The following RALGAPA2 variants were observed in gnomAD, a reference collection of about 807,000 sequenced individuals.
RALGAPA2 encodes ral GTPase-activating protein subunit alpha-2.
A neutral mutation model predicts 230.4 loss-of-function variants in RALGAPA2; 139 were observed. That is an observed-to-expected ratio of 0.60 (90% CI 0.53 to 0.69). The LOEUF (loss-of-function observed/expected upper bound fraction) is 0.69. Ranked by LOEUF, RALGAPA2 falls within the 30% of genes least tolerant of loss-of-function variation. The probability of loss-of-function intolerance (pLI) is 0.00; values close to 1 mark genes in which losing one functional copy is unlikely to be tolerated. For missense variants in RALGAPA2, 2,163 were observed against 2,276.0 expected, an observed-to-expected ratio of 0.95 and a Z score of 1.01; for synonymous variants, 847 against 837.8, an observed-to-expected ratio of 1.01 and a Z score of -0.19.
chr20:20,417,842 T>C (rs564243618), intron 37 of RALGAPA2, among the ~76,000 whole-genome samples: 3 of 152,346 alleles, frequency 2.0e-5, no homozygotes, highest in East Asian at 3.9e-4. Flanking sequence ...GCTAGATATA[T>C]TCTAGGCAAT....
rs140217491 is a variant in RALGAPA2, at chr20:20,590,493, T to G, written c.2341+684A>C. On this transcript the variant is annotated intron_variant, in intron 17 of 39. Transcript: ENST00000202677. ...TGAGATAACTTGTTGATAAATAGAG[T>G]TGATTTCTTAACTAATTCATGACAC... Among the ~76,000 whole-genome samples the G allele has an allele frequency of 1.7e-3, 263 of 152,206 alleles. 5 individuals carry two copies. Among genetic ancestry groups the G allele is most frequent in the East Asian group, 0.012 (64 of 5,174 alleles).
chr20:20,427,409 G>A (rs1476794417), intron 37 of RALGAPA2, among the ~76,000 whole-genome samples: 5 of 151,896 alleles, frequency 3.3e-5, no homozygotes, highest in Non-Finnish European at 7.4e-5. Context: ...TGCTTGCGGG[G>A]TGGGAGCGTC....
intron 37 of RALGAPA2, among the ~76,000 whole-genome samples, chr20:20,435,802 C>T (rs73287227): frequency 0.033 from 5,043 of 152,308 alleles, 273 homozygotes; most frequent in African/African-American, 0.11. Flanking sequence ...TCTGTGGACA[C>T]TGCCACAGGC....
At chr20:20,611,010 T>C (rs1231707243) in intron 14 of RALGAPA2, among the ~76,000 whole-genome samples, 2 of 152,130 alleles carry the variant, frequency 1.3e-5, no homozygotes, top group African/African-American at 4.8e-5. Context: ...CCCATTCCCA[T>C]ACTTTCGTTC....
At chr20:20,460,193 C>T (rs1391202786) in intron 37 of RALGAPA2, among the ~76,000 whole-genome samples, 40 of 152,212 alleles carry the variant, frequency 2.6e-4, no homozygotes, top group Admixed American at 2.6e-3. Flanking sequence ...CTCCTCTACA[C>T]TGCTGCATCC....
chr20:20,485,273 G>A (rs2061883150), intron 36 of RALGAPA2, among the ~76,000 whole-genome samples: 1 of 152,050 alleles, frequency 6.6e-6, no homozygotes, highest in Non-Finnish European at 1.5e-5. Flanking sequence ...TCTGATGTTA[G>A]CTCCATCTGA....
At position 20,625,727 on chromosome 20, in the gene RALGAPA2, A is replaced by G. The variant is rs78224288; in HGVS notation, c.1233+3636T>C. Among the ~76,000 whole-genome samples the G allele has an allele frequency of 3.2e-3, 482 of 152,296 alleles. 1 individual carries two copies. Among genetic ancestry groups the G allele is most frequent in the Non-Finnish European group, 5.1e-3 (349 of 68,034 alleles). ...AGTTTTGACTCACTAAGTTGGTTTC[A>G]TGACCTACGAATAGGTCACAACAGG... On this transcript the variant is annotated intron_variant, in intron 10 of 39. Transcript: ENST00000202677.
rs958714044 is a variant in RALGAPA2 at position 20,411,975 on chromosome 20, G to A, written c.5617+52C>T. Reference sequence around the variant, plus strand: ...ATCTGTGAAAAACAGGTGTACATCTGCTGCTCGAATGCGTCTTAAGCGCGT... The same window carrying A: ...ATCTGTGAAAAACAGGTGTACATCTACTGCTCGAATGCGTCTTAAGCGCGT... On this transcript the variant is annotated intron_variant, in intron 38 of 39. Transcript: ENST00000202677. The A allele has an allele frequency of 5.6e-6, 9 of 1,604,534 alleles. No individual in the cohort carries two copies. The African/African-American group carries it at 1.2e-4, about 21-fold the overall frequency.
At position 20,536,541 on chromosome 20, in the gene RALGAPA2, G is replaced by T. The variant is rs1478201519; in HGVS notation, c.3414+115C>A. ...GAAACAACTACTGAAACATTTAAAA[G>T]ATACAGCAAAACTTCAGGAATAAGC... is the stretch of plus-strand genomic sequence containing the variant. On this transcript the variant is annotated intron_variant, in intron 25 of 39. Transcript: ENST00000202677. The T allele has an allele frequency of 3.3e-6, 4 of 1,199,950 alleles. No homozygotes were observed. The East Asian group carries it at 1.1e-4, about 33-fold the overall frequency. The allele number at this position is 1,199,950 out of a possible 1,614,324, so 74.3% of individuals were successfully genotyped here.
intron 3 of RALGAPA2, among the ~76,000 whole-genome samples, chr20:20,654,433 A>G (rs779048564): frequency 1.3e-5 from 2 of 152,150 alleles, no homozygotes; most frequent in Non-Finnish European, 2.9e-5. Context: ...CAGGTGATTC[A>G]CCCACCTCAG....
rs375087812 is a variant in RALGAPA2 at position 20,557,336 on chromosome 20, C to G, written c.3157-10504G>C. On this transcript the variant is annotated intron_variant, in intron 23 of 39. Coordinates refer to ENST00000202677, the MANE Select transcript of RALGAPA2 (RefSeq NM_020343.4). ...AAAAAAAAGGGGTAAGTAAAATGCACGTACTGTGTGTAATCATGTAAGTAA... is the reference window on the plus strand; with the variant it reads ...AAAAAAAAGGGGTAAGTAAAATGCAGGTACTGTGTGTAATCATGTAAGTAA... Among the ~76,000 whole-genome samples, 33 of 151,916 alleles carry G rather than the reference C, an allele frequency of 2.2e-4. 1 individual carries two copies. In the East Asian group the frequency reaches 5.8e-3, roughly 27 times the overall value.
At chr20:20,583,664 C>T (rs1004251779) in intron 19 of RALGAPA2, among the ~76,000 whole-genome samples, 4 of 152,102 alleles carry the variant, frequency 2.6e-5, no homozygotes, top group South Asian at 2.1e-4. Context: ...GACAGGTAGA[C>T]GTAGACCTAG....
chr20:20,515,103 G>A (rs543316015), intron 31 of RALGAPA2, among the ~76,000 whole-genome samples: 1 of 152,312 alleles, frequency 6.6e-6, no homozygotes, highest in East Asian at 1.9e-4. Context: ...TCAGACCACT[G>A]TGCATTCCAT....
intron 23 of RALGAPA2, among the ~76,000 whole-genome samples, chr20:20,554,898 ATCTTTTGAAGCACAAAAGATT>A (rs2064037078): frequency 6.6e-6 from 1 of 152,242 alleles, no homozygotes. Flanking sequence ...GCTTGATAGC[ATCTTTTGAAGCACAAAAGATT>A]TTAATTTTGA....
chr20:20,543,328 A>C (rs1768654056), intron 24 of RALGAPA2, among the ~76,000 whole-genome samples: 1 of 152,176 alleles, frequency 6.6e-6, no homozygotes, highest in African/African-American at 2.4e-5. Context: ...TACAGGCGTG[A>C]GCTACCAAGC....
At chr20:20,551,339 C>T (rs1267668354) in intron 23 of RALGAPA2, among the ~76,000 whole-genome samples, 1 of 152,180 alleles carries the variant, frequency 6.6e-6, no homozygotes, top group African/African-American at 2.4e-5. Flanking sequence ...AGACAAAGAT[C>T]TTTCACAAGC....
intron 19 of RALGAPA2, 42 bp downstream of exon 19, chr20:20,584,823 T>A (rs748605136): frequency 7.3e-7 from 1 of 1,363,462 alleles, no homozygotes; most frequent in South Asian, 1.2e-5. Flanking sequence ...ATAGAACATA[T>A]CAACTCTGTA....
At chr20:20,653,256 TGGGA>T (rs2067473381) in intron 4 of RALGAPA2, among the ~76,000 whole-genome samples, 1 of 146,638 alleles carries the variant, frequency 6.8e-6, no homozygotes, top group African/African-American at 2.5e-5. Context: ...GAGGTCTGGC[TGGGA>T]CCTGAGATTC....
At chr20:20,531,176 G>A (rs1418044110) in intron 27 of RALGAPA2, among the ~76,000 whole-genome samples, 1 of 152,232 alleles carries the variant, frequency 6.6e-6, no homozygotes, top group Non-Finnish European at 1.5e-5. Flanking sequence ...CTGTCTTGAA[G>A]ATTAACAGAA....
Sources: gnomAD v4.1 joint callset for allele counts (sites outside exome capture counted in the v4.1 genomes callset) on GRCh38, gnomAD v4.1.1 for gene constraint, MANE v1.5 for transcripts, NCBI Gene and HGNC (gene_info 2026-07-23, HGNC 2026-07-21) for gene names.